FRMD4A: variants seen among roughly 807,000 people sequenced by gnomAD.
FRMD4A encodes the protein FERM domain containing 4A, also known as FERM domain-containing protein 4A.
A neutral mutation model predicts 129.1 loss-of-function variants in FRMD4A; 29 were observed. The observed-to-expected ratio is 0.22, with a 90% CI of 0.17 to 0.31. The LOEUF (loss-of-function observed/expected upper bound fraction) is 0.31. Among genes scored for constraint, FRMD4A ranks in the 10% least tolerant of loss-of-function variants. The probability of loss-of-function intolerance (pLI) is 1.00; values close to 1 mark genes in which losing one functional copy is unlikely to be tolerated. For missense variants in FRMD4A, 1,272 were observed against 1,375.8 expected (o/e 0.92, Z 1.19); for synonymous variants, 634 against 571.6 (o/e 1.11, Z -1.56).
intron 3 of FRMD4A, among the ~76,000 whole-genome samples, chr10:13,841,184 T>A (rs976637495): frequency 5.9e-5 from 9 of 152,184 alleles, no homozygotes; most frequent in Non-Finnish European, 8.8e-5. Flanking sequence ...ACTTCATACA[T>A]TAACTTTTGT....
At chr10:14,270,062 G>T (rs911727885) in intron 2 of FRMD4A, among the ~76,000 whole-genome samples, 9 of 152,190 alleles carry the variant, frequency 5.9e-5, no homozygotes. Flanking sequence ...AGGTTTCCTG[G>T]CTTTGGGACT....
At chr10:13,920,500 T>C (rs142168593) in intron 2 of FRMD4A, among the ~76,000 whole-genome samples, 100 of 152,386 alleles carry the variant, frequency 6.6e-4, no homozygotes, top group African/African-American at 2.4e-3. Flanking sequence ...TTCTAGGTAG[T>C]AAGAACCTAC....
chr10:14,196,849 T>C (rs1209136630), intron 2 of FRMD4A, among the ~76,000 whole-genome samples: 1 of 152,194 alleles, frequency 6.6e-6, no homozygotes, highest in African/African-American at 2.4e-5. Flanking sequence ...CGTAGTTCTC[T>C]AAATGGTTTG....
At chr10:13,887,280 A>C (rs1173472294) in intron 2 of FRMD4A, among the ~76,000 whole-genome samples, 2 of 152,212 alleles carry the variant, frequency 1.3e-5, no homozygotes, top group Admixed American at 1.3e-4. Flanking sequence ...GTCCTCTATT[A>C]CTTTCCAACA....
chr10:13,852,505 G>T (rs1366372415), intron 3 of FRMD4A, among the ~76,000 whole-genome samples: 2 of 152,054 alleles, frequency 1.3e-5, no homozygotes, highest in Non-Finnish European at 2.9e-5. Context: ...TTACAGGCAT[G>T]AGCCACCACA....
chr10:14,308,501 G>A (rs2132101216), intron 2 of FRMD4A, among the ~76,000 whole-genome samples: 1 of 152,096 alleles, frequency 6.6e-6, no homozygotes, highest in East Asian at 1.9e-4. Context: ...TTATGCAGGA[G>A]CAGATTGAGG....
At chr10:14,246,408 AG>A (rs1844240002) in intron 2 of FRMD4A, among the ~76,000 whole-genome samples, 1 of 146,180 alleles carries the variant, frequency 6.8e-6, no homozygotes, top group Non-Finnish European at 1.5e-5. Flanking sequence ...CACACACACA[AG>A]TGCACGCATA....
intron 2 of FRMD4A, among the ~76,000 whole-genome samples, chr10:13,930,347 A>C (rs2095179251): frequency 6.6e-6 from 1 of 152,182 alleles, no homozygotes; most frequent in Non-Finnish European, 1.5e-5. Context: ...GTGACAAGAG[A>C]GGGCTCCTGC....
At chr10:13,695,638 G>A (rs2086152894) in intron 14 of FRMD4A, among the ~76,000 whole-genome samples, 1 of 152,212 alleles carries the variant, frequency 6.6e-6, no homozygotes, top group Non-Finnish European at 1.5e-5. Flanking sequence ...ACGGTCACTT[G>A]CTCATCTGTC....
chr10:14,205,031 C>T (rs942991526), intron 2 of FRMD4A, among the ~76,000 whole-genome samples: 1 of 148,758 alleles, frequency 6.7e-6, no homozygotes, highest in Non-Finnish European at 1.5e-5. Flanking sequence ...TACCAAAGTT[C>T]TGCCTGATCA....
rs10708906 is a variant in FRMD4A at position 13,765,101 on chromosome 10, A to AT, written c.385-2422dup. Among the ~76,000 whole-genome samples the AT allele has an allele frequency of 1.9e-3, 238 of 125,262 alleles. 2 individuals are homozygous for AT. The highest frequency in any genetic ancestry group is 2.8e-3 in the Non-Finnish European group (175 of 61,482). 82.2% of individuals were successfully genotyped at this position (125,262 alleles called of 152,430 possible). A position where few individuals can be genotyped will look rare whatever the true frequency, so the allele number is the denominator to read the frequency against. Reference sequence around the variant, plus strand: ...AAGCCAGACTCTGATTCAAGGATTGATTTTTTTTTTTTGTTTTTTTTTTTT... The same window carrying AT: ...AAGCCAGACTCTGATTCAAGGATTGATTTTTTTTTTTTTGTTTTTTTTTTTT... On this transcript the variant is annotated intron_variant, in intron 6 of 24. Transcript: ENST00000357447.
At chr10:14,297,969 T>C (rs1482920767) in intron 2 of FRMD4A, among the ~76,000 whole-genome samples, 1 of 152,200 alleles carries the variant, frequency 6.6e-6, no homozygotes, top group Non-Finnish European at 1.5e-5. Context: ...TTTTCTCAGC[T>C]GTTACACGAG....
intron 2 of FRMD4A, among the ~76,000 whole-genome samples, chr10:13,891,097 A>AG (rs751729916): frequency 6.6e-6 from 1 of 152,096 alleles, no homozygotes; most frequent in Admixed American, 6.5e-5. Context: ...CACGTACTAA[A>AG]GGGGGTTCCC....
chr10:14,235,249 A>T (rs1185050247), intron 2 of FRMD4A, among the ~76,000 whole-genome samples: 1 of 143,086 alleles, frequency 7.0e-6, no homozygotes, highest in African/African-American at 2.6e-5. Flanking sequence ...TCCCGGGTTC[A>T]CGCCATTCTC....
At chr10:14,126,319 C>T (rs917867743) in intron 2 of FRMD4A, among the ~76,000 whole-genome samples, 1 of 152,026 alleles carries the variant, frequency 6.6e-6, no homozygotes, top group African/African-American at 2.4e-5. Flanking sequence ...TACAGGCGTG[C>T]TCCATGACAC....
intron 4 of FRMD4A, among the ~76,000 whole-genome samples, chr10:13,807,796 A>G (rs2093380054): frequency 8.7e-6 from 1 of 114,638 alleles, no homozygotes; most frequent in Non-Finnish European, 1.8e-5. Context: ...ATTATTTAGA[A>G]ATTCTTTTTT....
chr10:14,048,907 T>TAGAATAGAATAG (rs1211439981), intron 2 of FRMD4A, among the ~76,000 whole-genome samples: 1 of 144,978 alleles, frequency 6.9e-6, no homozygotes, highest in Non-Finnish European at 1.5e-5. Flanking sequence ...GAATAGAAAA[T>TAGAATAGAATAG]AAAATGAAAT....
At chr10:14,017,822 G>A (rs1202894996) in intron 2 of FRMD4A, among the ~76,000 whole-genome samples, 7 of 152,174 alleles carry the variant, frequency 4.6e-5, no homozygotes, top group Non-Finnish European at 1.5e-5. Flanking sequence ...AGAAAAGAAA[G>A]CATCTTGAAT....
rs117551064 is a variant in FRMD4A at position 13,850,297 on chromosome 10, A to C, written c.111+8550T>G. On this transcript the variant is annotated intron_variant, in intron 3 of 24. Transcript: ENST00000357447. ...TAAAAAGTCATACATTTTTTTTTCT[A>C]GCCCATAATAGCCCAGACTATTTAC... is the stretch of plus-strand genomic sequence containing the variant. Among the ~76,000 whole-genome samples, 231 of 151,670 alleles carry C rather than the reference A, an allele frequency of 1.5e-3. 1 individual carries two copies. The East Asian group carries it at 0.02, about 13-fold the overall frequency.
Sources: gnomAD v4.1 joint callset for allele counts (sites outside exome capture counted in the v4.1 genomes callset) on GRCh38, gnomAD v4.1.1 for gene constraint, MANE v1.5 for transcripts, NCBI Gene and HGNC (gene_info 2026-07-23, HGNC 2026-07-21) for gene names.